Variants in TRPM3 observed in about 807,000 individuals in gnomAD.
The protein encoded by TRPM3 is long transient receptor potential channel 3.
In TRPM3, 77 loss-of-function variants were observed where a neutral mutation model predicts 181.2. That is an observed-to-expected ratio of 0.42 (90% confidence interval 0.35 to 0.51). The LOEUF is 0.51. Among genes scored for constraint, TRPM3 ranks in the 20% least tolerant of loss-of-function variants. TRPM3 has a pLI of 0.01. For synonymous variants in TRPM3, 745 were observed against 796.4 expected, an observed-to-expected ratio of 0.94 and a Z score of 1.09; for missense variants, 1,759 against 2,196.7, an observed-to-expected ratio of 0.80 and a Z score of 3.98.
At chr9:71,441,927 G>T (rs556475694) in intron 1 of TRPM3, among the ~76,000 whole-genome samples, 3 of 152,088 alleles carry the variant, frequency 2.0e-5, no homozygotes, top group Admixed American at 6.5e-5. Context: ...CACTGTGCCC[G>T]GCCTTCTTCA....
intron 8 of TRPM3, among the ~76,000 whole-genome samples, chr9:70,760,100 C>T (rs2077828314): frequency 6.6e-6 from 1 of 151,996 alleles, no homozygotes; most frequent in African/African-American, 2.4e-5. Flanking sequence ...GATTAAACAA[C>T]ATGAAATTTA....
chr9:71,159,826 CTCTG>C (rs2076191480), intron 1 of TRPM3, among the ~76,000 whole-genome samples: 1 of 152,116 alleles, frequency 6.6e-6, no homozygotes, highest in African/African-American at 2.4e-5. Context: ...ATTATGTTGA[CTCTG>C]TCTGCTGAGA....
intron 6 of TRPM3, among the ~76,000 whole-genome samples, chr9:70,809,407 G>C (rs1353217497): frequency 1.3e-5 from 2 of 152,156 alleles, no homozygotes; most frequent in Non-Finnish European, 2.9e-5. Flanking sequence ...AGTCCTGCAA[G>C]CACCATTCAT....
At chr9:70,882,911 G>A (rs897368716) in intron 1 of TRPM3, among the ~76,000 whole-genome samples, 3 of 152,230 alleles carry the variant, frequency 2.0e-5, no homozygotes, top group East Asian at 3.9e-4. Context: ...AATGAAGGTC[G>A]ACTCCTTTAT....
At chr9:71,056,213 T>C (rs550807444) in intron 1 of TRPM3, among the ~76,000 whole-genome samples, 1 of 152,040 alleles carries the variant, frequency 6.6e-6, no homozygotes, top group Non-Finnish European at 1.5e-5. Context: ...TAATATTATA[T>C]TCTAGTGTTT....
chr9:71,048,378 G>T (rs1590965518), intron 1 of TRPM3, among the ~76,000 whole-genome samples: 1 of 152,266 alleles, frequency 6.6e-6, no homozygotes, highest in African/African-American at 2.4e-5. Context: ...AATCTACACT[G>T]CCCAGCAGGT....
intron 1 of TRPM3, among the ~76,000 whole-genome samples, chr9:71,205,143 G>A (rs2079048960): frequency 1.3e-5 from 2 of 151,894 alleles, no homozygotes. Flanking sequence ...CAGCACACCA[G>A]CATGGCACAT....
intron 1 of TRPM3, among the ~76,000 whole-genome samples, chr9:71,388,337 A>G (rs980986086): frequency 4.6e-5 from 7 of 152,144 alleles, no homozygotes; most frequent in Non-Finnish European, 8.8e-5. Context: ...TGTCTGACAG[A>G]GTCTAAGTAA....
At chr9:70,910,836 A>C (rs1364845213) in intron 1 of TRPM3, among the ~76,000 whole-genome samples, 1 of 152,182 alleles carries the variant, frequency 6.6e-6, no homozygotes, top group Non-Finnish European at 1.5e-5. Context: ...CTGAGCTCTT[A>C]ATCATTGCTC....
In TRPM3 at chr9:70,897,237, TC is replaced by T. The variant is rs2132947470; in HGVS notation, c.178-32727del. Among the ~76,000 whole-genome samples, 2 of 103,302 alleles carry T rather than the reference TC, an allele frequency of 1.9e-5. 1 individual carries two copies. The highest frequency in any genetic ancestry group is 5.9e-4 in the South Asian group (2 of 3,416). The allele number at this position is 103,302 out of a possible 152,430, so 67.8% of individuals were successfully genotyped here. A position where few individuals can be genotyped will look rare whatever the true frequency, so the allele number is the denominator to read the frequency against. The stretch of plus-strand genomic sequence containing the variant: ...GTACCAATTAACCAACCTCTATCTC[TC>T]CCTCCGTGCTCCCCTTCCCAGCCTC... On this transcript the variant is annotated intron_variant, in intron 1 of 25. Transcript: ENST00000677713.
intron 1 of TRPM3, among the ~76,000 whole-genome samples, chr9:71,276,195 GC>G (rs2084200921): frequency 6.6e-6 from 1 of 151,964 alleles, no homozygotes; most frequent in Non-Finnish European, 1.5e-5. Context: ...TACATACGTG[GC>G]AAAAAATCCC....
chr9:70,937,915 C>T (rs554664666), intron 1 of TRPM3, among the ~76,000 whole-genome samples: 40 of 152,292 alleles, frequency 2.6e-4, no homozygotes, highest in Middle Eastern at 6.8e-3. Context: ...TAATACAATT[C>T]TGAATGTTGA....
intron 1 of TRPM3, among the ~76,000 whole-genome samples, chr9:71,017,645 A>G (rs1029331005): frequency 1.3e-5 from 2 of 151,900 alleles, no homozygotes; most frequent in South Asian, 2.1e-4. Context: ...GCCAATTCAC[A>G]TAAGAAAATT....
intron 1 of TRPM3, among the ~76,000 whole-genome samples, chr9:71,105,957 AT>A (rs1007976473): frequency 2.6e-5 from 4 of 151,964 alleles, no homozygotes; most frequent in African/African-American, 9.7e-5. Flanking sequence ...CACATGGCTG[AT>A]TTTTTTTAAA....
intron 1 of TRPM3, among the ~76,000 whole-genome samples, chr9:71,354,185 C>CA (rs1489437954): frequency 1.3e-5 from 2 of 152,164 alleles, no homozygotes; most frequent in Non-Finnish European, 2.9e-5. Flanking sequence ...CCTCACTCCC[C>CA]AAAACTCTGG....
chr9:70,996,890 G>A (rs1460917229), intron 1 of TRPM3, among the ~76,000 whole-genome samples: 1 of 152,168 alleles, frequency 6.6e-6, no homozygotes, highest in Non-Finnish European at 1.5e-5. Flanking sequence ...ATCACAGGAA[G>A]TTTTGGAAGG....
intron 6 of TRPM3, among the ~76,000 whole-genome samples, chr9:70,792,632 A>G (rs752409112): frequency 1.4e-5 from 2 of 146,422 alleles, no homozygotes; most frequent in Admixed American, 1.4e-4. Context: ...GAGACAGGAG[A>G]GAGAGAAAGA....
At chr9:70,687,220 T>C (rs1488909404) in intron 8 of TRPM3, among the ~76,000 whole-genome samples, 1 of 152,200 alleles carries the variant, frequency 6.6e-6, no homozygotes, top group Non-Finnish European at 1.5e-5. Context: ...TGAGGAGATA[T>C]ACATATTTGT....
intron 7 of TRPM3, among the ~76,000 whole-genome samples, chr9:70,782,511 C>T (rs889714030): frequency 2.0e-5 from 3 of 152,100 alleles, no homozygotes; most frequent in Admixed American, 2.0e-4. Flanking sequence ...TGTGCCTGAC[C>T]CTTGGTTAAA....
Sources: gnomAD v4.1 joint callset for allele counts (sites outside exome capture counted in the v4.1 genomes callset) on GRCh38, gnomAD v4.1.1 for gene constraint, MANE v1.5 for transcripts, NCBI Gene and HGNC (gene_info 2026-07-23, HGNC 2026-07-21) for gene names.